The following OPRM1 variants were observed in gnomAD, a reference collection of about 807,000 sequenced individuals.
OPRM1 encodes mu-type opioid receptor.
In OPRM1, 27 loss-of-function variants were observed where a neutral mutation model predicts 31.8. The ratio of observed to expected loss-of-function variants is 0.85; its 90% confidence interval spans 0.63 to 1.17. The LOEUF (loss-of-function observed/expected upper bound fraction) is 1.17. Among genes scored for constraint, OPRM1 ranks in the 50% most tolerant of loss-of-function variants. OPRM1 has a pLI of 0.00. For missense variants in OPRM1, 536 were observed against 511.1 expected, an observed-to-expected ratio of 1.05 and a Z score of -0.47; for synonymous variants, 196 against 189.9, an observed-to-expected ratio of 1.03 and a Z score of -0.26.
intron 3 of OPRM1, among the ~76,000 whole-genome samples, chr6:154,199,253 C>T (rs1776883451): frequency 6.6e-6 from 1 of 152,194 alleles, no homozygotes; most frequent in South Asian, 2.1e-4. Flanking sequence ...TGGGGCACAG[C>T]CCAGAGAAAG....
At chr6:154,050,265 T>C (rs1278246872) in intron 1 of OPRM1, among the ~76,000 whole-genome samples, 2 of 152,198 alleles carry the variant, frequency 1.3e-5, no homozygotes, top group Non-Finnish European at 2.9e-5. Flanking sequence ...CAAAGGAAGT[T>C]AGTATATCAA....
At chr6:154,062,434 G>A (rs972792691) in intron 1 of OPRM1, among the ~76,000 whole-genome samples, 2 of 151,890 alleles carry the variant, frequency 1.3e-5, no homozygotes, top group African/African-American at 2.4e-5. Context: ...TAAAATTTCA[G>A]GCTTTAAAAA....
Position 154,090,105 on chromosome 6 carries a change from T to C in OPRM1, c.570T>C (p.Asn190=), listed in dbSNP as rs34074916. 9.9e-6 allele frequency: 16 copies of C among 1,614,030 alleles called. No individual in the cohort carries two copies. The highest frequency in any genetic ancestry group is 1.3e-5 in the African/African-American group (1 of 74,922). ...CTCCCCGAAATGCCAAAATTATCAATGTCTGCAACTGGATCCTCTCTTCAG... is the reference window on the plus strand; with the variant it reads ...CTCCCCGAAATGCCAAAATTATCAACGTCTGCAACTGGATCCTCTCTTCAG... ...FRTPRNAKII[N]VCNWILSSAI... is the part of the protein sequence containing the mutation. Residue 190 remains asparagine, a synonymous_variant, in exon 2 of 4, where the codon AAT becomes AAC. Transcript: ENST00000330432.
chr6:154,076,979 A>T (rs1788003418), intron 1 of OPRM1, among the ~76,000 whole-genome samples: 1 of 152,220 alleles, frequency 6.6e-6, no homozygotes. Context: ...ATTATAAAAC[A>T]TAAAAAATTG....
At chr6:154,030,813 A>C (rs1176430975) in intron 1 of OPRM1, among the ~76,000 whole-genome samples, 1 of 152,204 alleles carries the variant, frequency 6.6e-6, no homozygotes, top group African/African-American at 2.4e-5. Flanking sequence ...GAAAAGAGGA[A>C]ACATTCTATG....
At position 154,118,973 on chromosome 6, in the gene OPRM1, C is replaced by A. The variant is rs886847755; in HGVS notation, c.*252C>A. The A allele has an allele frequency of 8.9e-6, 11 of 1,240,238 alleles. No homozygotes were observed. Among genetic ancestry groups the A allele is most frequent in the Admixed American group, 3.9e-5 (1 of 25,366 alleles). 76.8% of individuals were successfully genotyped at this position (1,240,238 alleles called of 1,614,324 possible). A position where few individuals can be genotyped will look rare whatever the true frequency, so the allele number is the denominator to read the frequency against. On this transcript the variant is annotated 3_prime_UTR_variant, in exon 4 of 4. Transcript: ENST00000330432. Reference sequence around the variant, plus strand: ...GTTTGTGCAAGACACCCAGTGGAACCAAAACCCATCGTGGTATGTGAATTG... The same window carrying A: ...GTTTGTGCAAGACACCCAGTGGAACAAAAACCCATCGTGGTATGTGAATTG...
chr6:154,068,234 C>T (rs149152019), intron 1 of OPRM1, among the ~76,000 whole-genome samples: 128 of 152,162 alleles, frequency 8.4e-4, no homozygotes, highest in African/African-American at 3.0e-3. Context: ...GAAAACACAA[C>T]ATTCACTCTC....
At chr6:154,118,300 C>T (rs17181338) in intron 3 of OPRM1, among the ~76,000 whole-genome samples, 245 of 152,090 alleles carry the variant, frequency 1.6e-3, no homozygotes, top group Middle Eastern at 0.01. Context: ...AAAAAAACAT[C>T]GTTTTTCTTT....
rs1331310209 is a variant in OPRM1, at chr6:154,131,910, T to C, written c.*13189T>C. On this transcript the variant is annotated 3_prime_UTR_variant, in exon 4 of 4. Transcript: ENST00000330432. ...AAAACACACAACATTGTTTTCCTTT[T>C]GATGGTCTGGGAGTTTTTCTATAAG... Among the ~76,000 whole-genome samples the C allele has an allele frequency of 6.6e-6, 1 of 151,312 alleles. No individual in the cohort carries two copies.
chr6:154,056,354 C>T (rs474043), intron 1 of OPRM1, among the ~76,000 whole-genome samples: 30,695 of 151,772 alleles, frequency 0.2, 3,852 homozygotes, highest in Non-Finnish European at 0.29. Context: ...GATCTCTTGA[C>T]CTCATAATCC....
chr6:154,133,094 C>A (rs1797967360), downstream of OPRM1, among the ~76,000 whole-genome samples: 1 of 149,688 alleles, frequency 6.7e-6, no homozygotes, highest in Non-Finnish European at 1.5e-5. Flanking sequence ...GCACTCCAGC[C>A]TGGGCGACAG....
intron 1 of OPRM1, among the ~76,000 whole-genome samples, chr6:154,028,221 T>G (rs918503634): frequency 6.6e-6 from 1 of 152,158 alleles, no homozygotes; most frequent in Non-Finnish European, 1.5e-5. Context: ...ACTGGGTTCT[T>G]CCCTTGAAGA....
chr6:154,058,137 AC>A (rs1238295619), intron 1 of OPRM1, among the ~76,000 whole-genome samples: 2 of 152,212 alleles, frequency 1.3e-5, no homozygotes, highest in Non-Finnish European at 2.9e-5. Flanking sequence ...CAATTTAGAA[AC>A]TTAAAATAAC....
At chr6:154,057,731 T>G (rs182359959) in intron 1 of OPRM1, among the ~76,000 whole-genome samples, 1 of 152,200 alleles carries the variant, frequency 6.6e-6, no homozygotes, top group Non-Finnish European at 1.5e-5. Flanking sequence ...GAGTCCTGTA[T>G]GAGTGGAATT....
chr6:154,071,673 T>G (rs912667409), intron 1 of OPRM1, among the ~76,000 whole-genome samples: 5 of 152,232 alleles, frequency 3.3e-5, no homozygotes, highest in Admixed American at 2.0e-4. Flanking sequence ...ATCTAGACAG[T>G]GTGCTGTCCT....
chr6:154,138,982 G>A (rs181683838), intron 3 of OPRM1, among the ~76,000 whole-genome samples: 8 of 152,316 alleles, frequency 5.3e-5, no homozygotes, highest in Admixed American at 3.9e-4. Context: ...AGCGCAAGAA[G>A]ACTGGGACAC....
intron 3 of OPRM1, chr6:154,216,903 C>A: frequency 6.4e-6 from 1 of 157,480 alleles, no homozygotes; most frequent in African/African-American, 2.4e-5. Flanking sequence ...CTCTTCTTCC[C>A]CTAAGTGGCC....
At chr6:154,024,920 T>G (rs1036589039) in intron 1 of OPRM1, among the ~76,000 whole-genome samples, 1 of 151,982 alleles carries the variant, frequency 6.6e-6, no homozygotes, top group Admixed American at 6.6e-5. Flanking sequence ...GATATTTAAT[T>G]TTGTTGAATG....
intron 3 of OPRM1, among the ~76,000 whole-genome samples, chr6:154,139,076 T>G (rs549039135): frequency 2.6e-5 from 4 of 152,242 alleles, no homozygotes; most frequent in Admixed American, 6.5e-5. Flanking sequence ...TTTAAAAACT[T>G]TGATCCCTAA....
Sources: allele counts gnomAD v4.1 joint callset (sites outside exome capture counted in the v4.1 genomes callset), GRCh38; gene constraint gnomAD v4.1.1; transcripts MANE v1.5; gene names NCBI Gene and HGNC (gene_info 2026-07-23, HGNC 2026-07-21).